Variants in OSBPL10 observed in about 807,000 individuals in gnomAD.
The protein encoded by OSBPL10 is oxysterol binding protein like 10.
A neutral mutation model predicts 81.7 loss-of-function variants in OSBPL10; 49 were observed. The ratio of observed to expected loss-of-function variants is 0.60; its 90% CI spans 0.48 to 0.76. OSBPL10 has a LOEUF of 0.76. Ranked by LOEUF, OSBPL10 falls within the 30% of genes least tolerant of loss-of-function variation. The pLI is 0.00. For missense variants in OSBPL10, 923 were observed against 987.8 expected, an observed-to-expected ratio of 0.93 and a Z score of 0.88; for synonymous variants, 419 against 383.6, an observed-to-expected ratio of 1.09 and a Z score of -1.08.
chr3:31,792,172 T>C (rs1438289251), intron 4 of OSBPL10, among the ~76,000 whole-genome samples: 1 of 151,070 alleles, frequency 6.6e-6, no homozygotes, highest in African/African-American at 2.4e-5. Context: ...GAGGCTGCGG[T>C]GAGCTGTAAT....
intron 5 of OSBPL10, among the ~76,000 whole-genome samples, chr3:31,746,697 G>A (rs7374357): frequency 0.5 from 74,495 of 149,874 alleles, 19,329 homozygotes; most frequent in East Asian, 0.78. Context: ...AAAAAAAATC[G>A]TCATTCTCAG....
chr3:31,694,202 C>T (rs1008746779), intron 7 of OSBPL10, among the ~76,000 whole-genome samples: 2 of 152,038 alleles, frequency 1.3e-5, no homozygotes, highest in African/African-American at 4.8e-5. Context: ...GAAACCTCAT[C>T]TCTACTAAAA....
intron 4 of OSBPL10, among the ~76,000 whole-genome samples, chr3:31,824,643 G>A (rs112609398): frequency 6.6e-5 from 10 of 152,230 alleles, no homozygotes; most frequent in African/African-American, 2.2e-4. Context: ...TGGTTTGGAC[G>A]CAGAGTGAGT....
intron 2 of OSBPL10, among the ~76,000 whole-genome samples, chr3:32,035,389 A>G (rs1280069239): frequency 6.6e-6 from 1 of 151,750 alleles, no homozygotes; most frequent in East Asian, 1.9e-4. Context: ...TGACAAAATC[A>G]TGTCTCTACT....
chr3:31,960,128 T>A (rs1698118485), intron 1 of OSBPL10: 1 of 152,142 alleles, frequency 6.6e-6, no homozygotes, highest in East Asian at 1.9e-4. Flanking sequence ...GCTGAGTGCT[T>A]AAGAAATTAC....
chr3:31,950,184 A>G (rs1174691513), intron 1 of OSBPL10, among the ~76,000 whole-genome samples: 1 of 152,252 alleles, frequency 6.6e-6, no homozygotes, highest in African/African-American at 2.4e-5. Context: ...AAGCCAAGCT[A>G]TGAACTAAAA....
chr3:32,008,660 G>C (rs1306882225), intron 2 of OSBPL10, among the ~76,000 whole-genome samples: 1 of 151,086 alleles, frequency 6.6e-6, no homozygotes, highest in Non-Finnish European at 1.5e-5. Flanking sequence ...TGAAGTGAGA[G>C]GATCGCTTAA....
chr3:31,801,148 A>AG (rs1372948925), intron 4 of OSBPL10, among the ~76,000 whole-genome samples: 8 of 152,316 alleles, frequency 5.3e-5, no homozygotes, highest in Middle Eastern at 3.4e-3. Flanking sequence ...ACTGACTGTC[A>AG]GGTACAAGAA....
chr3:31,937,426 C>G (rs1697407580), intron 1 of OSBPL10, among the ~76,000 whole-genome samples: 2 of 152,160 alleles, frequency 1.3e-5, no homozygotes, highest in South Asian at 4.2e-4. Context: ...GCCAACTTGC[C>G]TCAAGGCAGA....
chr3:31,827,824 G>C (rs900824895), intron 4 of OSBPL10, among the ~76,000 whole-genome samples: 3 of 151,894 alleles, frequency 2.0e-5, no homozygotes, highest in African/African-American at 7.3e-5. Flanking sequence ...TTGCATTATA[G>C]AATTTATATA....
intron 3 of OSBPL10, among the ~76,000 whole-genome samples, chr3:31,830,480 T>C (rs1700213234): frequency 6.6e-6 from 1 of 152,142 alleles, no homozygotes; most frequent in Non-Finnish European, 1.5e-5. Context: ...CATGAACAGC[T>C]ATTCAAAATC....
chr3:31,815,238 C>G (rs1466241337), intron 4 of OSBPL10, among the ~76,000 whole-genome samples: 2 of 150,744 alleles, frequency 1.3e-5, no homozygotes, highest in African/African-American at 4.9e-5. Context: ...TTCCCGCCCC[C>G]CAATAATTCC....
chr3:31,838,384 G>C (rs1365269781), intron 3 of OSBPL10, among the ~76,000 whole-genome samples: 1 of 152,008 alleles, frequency 6.6e-6, no homozygotes, highest in African/African-American at 2.4e-5. Flanking sequence ...GGTGGCGGCA[G>C]CCTGTAGTCC....
At chr3:31,852,385 G>T (rs998461760) in intron 3 of OSBPL10, among the ~76,000 whole-genome samples, 2 of 152,062 alleles carry the variant, frequency 1.3e-5, no homozygotes, top group African/African-American at 4.8e-5. Context: ...CATGACAACC[G>T]CTTCACAACA....
chr3:31,761,076 A>T (rs753876741), intron 4 of OSBPL10, among the ~76,000 whole-genome samples: 13 of 152,218 alleles, frequency 8.5e-5, no homozygotes, highest in Middle Eastern at 3.4e-3. Flanking sequence ...ACTCTCCAAC[A>T]TCTTTCTTTC....
intron 10 of OSBPL10, among the ~76,000 whole-genome samples, chr3:31,666,559 C>T (rs1343974885): frequency 6.6e-6 from 1 of 152,150 alleles, no homozygotes; most frequent in African/African-American, 2.4e-5. Flanking sequence ...CCAGCCACTC[C>T]ACTCCTCAAG....
At chr3:31,900,865 A>G (rs1201423471) in intron 1 of OSBPL10, among the ~76,000 whole-genome samples, 2 of 152,208 alleles carry the variant, frequency 1.3e-5, no homozygotes, top group African/African-American at 4.8e-5. Flanking sequence ...TATTTTTACC[A>G]TTAAGTATGA....
At chr3:31,953,170 T>TG (rs537552983) in intron 1 of OSBPL10, among the ~76,000 whole-genome samples, 177 of 152,030 alleles carry the variant, frequency 1.2e-3, no homozygotes, top group African/African-American at 4.2e-3. Context: ...CCTGACCTCG[T>TG]GATCCATCCA....
rs1228721428 is a variant in OSBPL10, at chr3:32,064,231, TAGGATTAC to T, written n.185+13157_185+13164del. 26 of 93,982 alleles carry T rather than the reference TAGGATTAC, an allele frequency of 2.8e-4. 3 individuals carry two copies. The highest frequency in any genetic ancestry group is 6.6e-4 in the African/African-American group (24 of 36,570). The allele number at this position is 93,982 out of a possible 1,614,324, so 5.8% of individuals were successfully genotyped here. A position where few individuals can be genotyped will look rare whatever the true frequency, so the allele number is the denominator to read the frequency against. ...CATCCACCTTGGCTTCCCAAAGTGC[TAGGATTAC>T]AGGCATGAGCCACCACACCTGGCCA... On this transcript the variant is annotated intron_variant and non_coding_transcript_variant, in intron 1 of 3. Coordinates refer to the OSBPL10 transcript ENST00000479173.
Sources: gnomAD v4.1 joint callset for allele counts (sites outside exome capture counted in the v4.1 genomes callset) on GRCh38, gnomAD v4.1.1 for gene constraint, MANE v1.5 for transcripts, NCBI Gene and HGNC (gene_info 2026-07-23, HGNC 2026-07-21) for gene names.